The following RMST variants were observed in gnomAD, a reference collection of about 807,000 sequenced individuals.
The protein encoded by RMST is rhabdomyosarcoma 2 associated transcript, also known as long intergenic non-protein coding RNA 54.
intron 5 of RMST, among the ~76,000 whole-genome samples, chr12:97,474,300 G>A (rs1428895726): frequency 6.6e-6 from 1 of 152,130 alleles, no homozygotes; most frequent in East Asian, 1.9e-4. Flanking sequence ...TGTCTAAACA[G>A]ATGATGATAG....
chr12:97,549,454 C>T (rs1010749297), intron 11 of RMST, among the ~76,000 whole-genome samples: 1 of 152,106 alleles, frequency 6.6e-6, no homozygotes, highest in Non-Finnish European at 1.5e-5. Context: ...TTAAAATTAG[C>T]CCGAAAGGGC....
At chr12:97,512,764 C>T (rs1879509013) in intron 10 of RMST, among the ~76,000 whole-genome samples, 1 of 152,246 alleles carries the variant, frequency 6.6e-6, no homozygotes, top group Non-Finnish European at 1.5e-5. Context: ...GAGCTGCCTG[C>T]CAATCCCGCG....
chr12:97,497,418 G>A (rs1877554242), intron 10 of RMST, among the ~76,000 whole-genome samples: 1 of 152,112 alleles, frequency 6.6e-6, no homozygotes, highest in Admixed American at 6.5e-5. Flanking sequence ...TCTAAAGAGA[G>A]GTTCAAGATC....
chr12:97,464,534 T>C (rs1276072232), intron 4 of RMST, among the ~76,000 whole-genome samples: 1 of 152,218 alleles, frequency 6.6e-6, no homozygotes. Context: ...ATGTTATTTA[T>C]TTGATGTGAT....
At chr12:97,557,103 G>T (rs1883760804) in intron 11 of RMST, among the ~76,000 whole-genome samples, 1 of 152,140 alleles carries the variant, frequency 6.6e-6, no homozygotes, top group Non-Finnish European at 1.5e-5. Flanking sequence ...AATTTTATCT[G>T]TCTTGATAAT....
intron 10 of RMST, among the ~76,000 whole-genome samples, chr12:97,502,417 G>A (rs575590183): frequency 1.3e-5 from 2 of 152,250 alleles, no homozygotes; most frequent in African/African-American, 4.8e-5. Flanking sequence ...CACCTTGGTT[G>A]TGGAGGCACA....
chr12:97,544,411 C>T (rs1882782088), intron 11 of RMST, among the ~76,000 whole-genome samples: 1 of 151,990 alleles, frequency 6.6e-6, no homozygotes, highest in South Asian at 2.1e-4. Context: ...TAGGCTTTGT[C>T]TTAGGTTAGT....
At chr12:97,475,719 G>A (rs1220001647) in intron 5 of RMST, among the ~76,000 whole-genome samples, 1 of 151,700 alleles carries the variant, frequency 6.6e-6, no homozygotes, top group Non-Finnish European at 1.5e-5. Flanking sequence ...AAACACCCAA[G>A]AACACACATA....
chr12:97,470,225 G>A (rs998618116), intron 5 of RMST, among the ~76,000 whole-genome samples: 9 of 152,154 alleles, frequency 5.9e-5, no homozygotes, highest in Non-Finnish European at 1.0e-4. Context: ...TGATTTGAGC[G>A]AGATAATGCT....
At chr12:97,539,178 C>T (rs1392735737) in intron 11 of RMST, among the ~76,000 whole-genome samples, 1 of 151,484 alleles carries the variant, frequency 6.6e-6, no homozygotes, top group Middle Eastern at 3.2e-3. Context: ...CTGTAGTCAC[C>T]TTCAGAATTA....
rs558318766 is a variant in RMST, at chr12:97,490,364, C to T, written n.645-2097C>T. On this transcript the variant is annotated intron_variant and non_coding_transcript_variant, in intron 5 of 13. Coordinates refer to ENST00000640149, the Ensembl canonical transcript of RMST. ...AAACAGACACTGGCGCCAGACTGCA[C>T]AGATTCAAATCCATCTCTACCATTT... Among the ~76,000 whole-genome samples the T allele has an allele frequency of 2.0e-5, 3 of 152,222 alleles. No individual in the cohort carries two copies. The East Asian group carries it at 5.8e-4, about 29-fold the overall frequency.
intron 9 of RMST, among the ~76,000 whole-genome samples, chr12:97,495,042 A>C (rs78514719): frequency 0.051 from 7,692 of 152,218 alleles, 668 homozygotes; most frequent in African/African-American, 0.17. Context: ...CGGGCTACTG[A>C]ATATCTTTTG....
chr12:97,486,071 C>T (rs1446606304), intron 5 of RMST, among the ~76,000 whole-genome samples: 1 of 152,118 alleles, frequency 6.6e-6, no homozygotes, highest in Non-Finnish European at 1.5e-5. Context: ...ACTAGCAAGA[C>T]CATGATAGAG....
chr12:97,530,456 T>A (rs1379297825), intron 10 of RMST: 2 of 152,020 alleles, frequency 1.3e-5, no homozygotes, highest in African/African-American at 4.8e-5. Flanking sequence ...TGGTGACGCA[T>A]GTCTTCCTGA....
intron 7 of RMST, chr12:97,493,406 CT>C (rs1877065433): frequency 6.6e-6 from 1 of 152,460 alleles, no homozygotes; most frequent in East Asian, 1.9e-4. Flanking sequence ...ATTAGTGATA[CT>C]TTTTTCAAAC....
intron 10 of RMST, among the ~76,000 whole-genome samples, chr12:97,528,408 T>C (rs893038668): frequency 1.3e-5 from 2 of 152,132 alleles, no homozygotes; most frequent in South Asian, 2.1e-4. Flanking sequence ...TTCTTTCTTA[T>C]AGATACTATT....
intron 10 of RMST, among the ~76,000 whole-genome samples, chr12:97,523,595 T>TA (rs1379051813): frequency 6.6e-6 from 1 of 152,214 alleles, no homozygotes; most frequent in Non-Finnish European, 1.5e-5. Context: ...TGATAGTTAT[T>TA]ACATGTGAAT....
intron 4 of RMST, among the ~76,000 whole-genome samples, chr12:97,463,524 C>T (rs2136366733): frequency 6.6e-6 from 1 of 152,286 alleles, no homozygotes; most frequent in African/African-American, 2.4e-5. Context: ...TGATATTCAG[C>T]ACGCTGTTTA....
chr12:97,559,896 AAATAT>A (rs1883999658), intron 11 of RMST, among the ~76,000 whole-genome samples: 1 of 152,230 alleles, frequency 6.6e-6, no homozygotes, highest in Non-Finnish European at 1.5e-5. Flanking sequence ...CTAGGTGAAC[AAATAT>A]AATAAGATGC....
Sources: allele counts gnomAD v4.1 joint callset (sites outside exome capture counted in the v4.1 genomes callset), GRCh38; gene constraint gnomAD v4.1.1; transcripts MANE v1.5; gene names NCBI Gene and HGNC (gene_info 2026-07-23, HGNC 2026-07-21).